The following TRAPPC12 variants were observed in gnomAD, a reference collection of about 807,000 sequenced individuals.
TRAPPC12 encodes the protein trafficking protein particle complex subunit 12, also known as TPR repeat protein 15.
In TRAPPC12, 61 loss-of-function variants were observed where a neutral mutation model predicts 69.2. The ratio of observed to expected loss-of-function variants is 0.88; its 90% CI spans 0.72 to 1.09. The LOEUF (loss-of-function observed/expected upper bound fraction) is 1.09, where lower values mean the gene tolerates loss of function less well. Ranked by LOEUF, TRAPPC12 falls within the 50% of genes least tolerant of loss-of-function variation. The pLI, the probability that TRAPPC12 is intolerant of heterozygous loss-of-function variation, is 0.00. For missense variants in TRAPPC12, 1,101 were observed against 1,016.4 expected, an observed-to-expected ratio of 1.08 and a Z score of -1.13; for synonymous variants, 469 against 438.9, an observed-to-expected ratio of 1.07 and a Z score of -0.86.
intron 8 of TRAPPC12, chr2:3,460,625 C>G: frequency 2.7e-6 from 1 of 372,376 alleles, no homozygotes; most frequent in Non-Finnish European, 4.8e-6. Flanking sequence ...CCCCATTTTT[C>G]TCTGAACTCC....
At position 3,465,611 on chromosome 2, in the gene TRAPPC12, C is replaced by G; in HGVS notation, c.1692C>G (p.Ala564=). The G allele has an allele frequency of 6.2e-7, 1 of 1,613,650 alleles. No individual in the cohort carries two copies. Among genetic ancestry groups the G allele is most frequent in the Non-Finnish European group, 8.5e-7 (1 of 1,179,552 alleles). ...CLLLMKDYVL[A]VEAYHSVIKY... is the part of the protein sequence containing the mutation. ...TCTTCCCACAGGATTATGTGCTGGC[C>G]GTGGAGGCGTATCATTCGGTTATCA... The change falls in exon 9 of 12, where the codon GCC becomes GCG. Residue 564 remains alanine, a synonymous_variant. Transcript: ENST00000324266.
chr2:3,447,242 C>T (rs995848675), intron 6 of TRAPPC12, among the ~76,000 whole-genome samples: 3 of 152,102 alleles, frequency 2.0e-5, no homozygotes, highest in Admixed American at 6.5e-5. Flanking sequence ...GGATTACAGG[C>T]GCCCATCACC....
At chr2:3,457,763 C>T (rs973732300) in intron 7 of TRAPPC12, 70 bp downstream of exon 7, 22 of 1,578,964 alleles carry the variant, frequency 1.4e-5, no homozygotes, top group Non-Finnish European at 1.7e-5. Flanking sequence ...CAAAGCCTCT[C>T]GCTTCCTCTC....
Position 3,388,031 on chromosome 2 carries a change from C to T in TRAPPC12, c.408C>T (p.Ala136=), listed in dbSNP as rs772087243. 2.0e-6 allele frequency: 3 copies of T among 1,479,246 alleles called. No individual in the cohort carries two copies. The highest frequency in any genetic ancestry group is 2.9e-5 in the African/African-American group (2 of 68,130). 91.6% of individuals were successfully genotyped at this position (1,479,246 alleles called of 1,614,324 possible). ...SSGGAPRQDA[A]REVPGSEAAR... is the part of the protein sequence containing the mutation. ...GAGGGGCCCCGAGGCAGGACGCGGC[C>T]CGCGAGGTCCCAGGCAGCGAAGCCG... Residue 136 remains alanine, a synonymous_variant, in exon 2 of 12, where the codon GCC becomes GCT. Transcript: ENST00000324266.
chr2:3,479,028 C>A, intron 11 of TRAPPC12, 95 bp downstream of exon 11: 1 of 1,486,624 alleles, frequency 6.7e-7, no homozygotes, highest in South Asian at 1.2e-5. Context: ...CCTGCGCTCT[C>A]TCTCTCCAGT....
chr2:3,384,804 T>C (rs1370805293), intron 1 of TRAPPC12, among the ~76,000 whole-genome samples: 2 of 152,234 alleles, frequency 1.3e-5, no homozygotes, highest in Non-Finnish European at 2.9e-5. Context: ...TTTTCTTCTC[T>C]GCAAGAATTT....
intron 1 of TRAPPC12, among the ~76,000 whole-genome samples, chr2:3,385,238 A>C (rs886768105): frequency 6.6e-6 from 1 of 152,184 alleles, no homozygotes; most frequent in Admixed American, 6.5e-5. Context: ...ATTTTCCTGC[A>C]TCTAGATTTT....
intron 5 of TRAPPC12, 27 bp from the exon 6 acceptor site, chr2:3,443,752 A>C: frequency 6.3e-7 from 1 of 1,596,388 alleles, no homozygotes; most frequent in Non-Finnish European, 8.6e-7. Flanking sequence ...TGGCAAACAA[A>C]CTCACTCAGC....
At chr2:3,430,275 G>A (rs1663355347) in intron 5 of TRAPPC12, among the ~76,000 whole-genome samples, 1 of 152,204 alleles carries the variant, frequency 6.6e-6, no homozygotes, top group Admixed American at 6.5e-5. Context: ...TCTCTGAGCT[G>A]TAAATTTAAA....
chr2:3,415,485 A>AAGCTCC (rs1453379352), intron 3 of TRAPPC12, among the ~76,000 whole-genome samples: 1 of 151,624 alleles, frequency 6.6e-6, no homozygotes, highest in Non-Finnish European at 1.5e-5. Flanking sequence ...CGCTCACTGC[A>AAGCTCC]ACCTCTCTCC....
intron 6 of TRAPPC12, among the ~76,000 whole-genome samples, chr2:3,452,112 G>A (rs1476422610): frequency 1.3e-5 from 2 of 152,206 alleles, no homozygotes; most frequent in African/African-American, 4.8e-5. Context: ...TGACCGCAGT[G>A]TCTCACCTGA....
intron 7 of TRAPPC12, chr2:3,458,562 ATGTGGTGTGGG>A (rs1665308584): frequency 1.7e-6 from 1 of 605,918 alleles, no homozygotes; most frequent in Non-Finnish European, 2.1e-6. Flanking sequence ...ATGCTGTGGC[ATGTGGTGTGGG>A]TGTGGTGTGT....
chr2:3,421,665 C>T (rs1052017611), intron 3 of TRAPPC12: 11 of 713,968 alleles, frequency 1.5e-5, no homozygotes, highest in South Asian at 1.2e-4. Flanking sequence ...CTGTACCTCA[C>T]GCTTGGCTCT....
intron 6 of TRAPPC12, among the ~76,000 whole-genome samples, chr2:3,452,326 C>T (rs978292536): frequency 6.6e-6 from 1 of 152,218 alleles, no homozygotes; most frequent in Non-Finnish European, 1.5e-5. Context: ...GGCCGGGTCT[C>T]AGAGGTCTCT....
rs774144539 is a variant in TRAPPC12, at chr2:3,388,511, C to G, written c.888C>G (p.Thr296=). ...CAGGGAGTGACGACCCCTTTGCCAC[C>G]GCCCTGAGCATGAGCGAGATGGACC... ...VFAGSDDPFA[T]ALSMSEMDRR... is the part of the protein sequence containing the mutation. Residue 296 remains threonine, a synonymous_variant, in exon 2 of 12, where the codon ACC becomes ACG. Coordinates refer to ENST00000324266, the MANE Select transcript of TRAPPC12 (RefSeq NM_016030.6). 22 of 1,612,868 alleles carry G rather than the reference C, an allele frequency of 1.4e-5. No homozygotes were observed. Among genetic ancestry groups the G allele is most frequent in the Admixed American group, 1.2e-4 (7 of 59,990 alleles).
intron 6 of TRAPPC12, among the ~76,000 whole-genome samples, chr2:3,448,802 A>T (rs569755877): frequency 6.6e-6 from 1 of 152,174 alleles, no homozygotes; most frequent in African/African-American, 2.4e-5. Flanking sequence ...CGGGAGCACA[A>T]TCCGGGCCGA....
intron 2 of TRAPPC12, among the ~76,000 whole-genome samples, chr2:3,390,202 G>A (rs2103437393): frequency 6.6e-6 from 1 of 152,302 alleles, no homozygotes; most frequent in South Asian, 2.1e-4. Context: ...TCTGCCTCCT[G>A]CTGCCATCAC....
chr2:3,471,819 C>T (rs935246129), intron 9 of TRAPPC12, among the ~76,000 whole-genome samples: 3 of 144,570 alleles, frequency 2.1e-5, no homozygotes, highest in Non-Finnish European at 2.9e-5. Flanking sequence ...AGAGGGTCCT[C>T]ACTTGGACTT....
chr2:3,382,549 T>C (rs1250180045), intron 1 of TRAPPC12, among the ~76,000 whole-genome samples: 1 of 152,208 alleles, frequency 6.6e-6, no homozygotes, highest in Non-Finnish European at 1.5e-5. Flanking sequence ...TATCTAGCAG[T>C]GGAATTGCTA....
Sources: gnomAD v4.1 joint callset for allele counts (sites outside exome capture counted in the v4.1 genomes callset) on GRCh38, gnomAD v4.1.1 for gene constraint, MANE v1.5 for transcripts, NCBI Gene and HGNC (gene_info 2026-07-23, HGNC 2026-07-21) for gene names.